The following ADGRG1 variants were observed in gnomAD, a reference collection of about 807,000 sequenced individuals.
ADGRG1 encodes 7-transmembrane protein with no EGF-like N-terminal domains-1.
In ADGRG1, 53 loss-of-function variants were observed where a neutral mutation model predicts 73.5. The ratio of observed to expected loss-of-function variants is 0.72; its 90% CI spans 0.58 to 0.91. The LOEUF is 0.91. Ranked by LOEUF, ADGRG1 falls within the 40% of genes least tolerant of loss-of-function variation. The pLI is 0.00. For missense variants in ADGRG1, 795 were observed against 871.8 expected (o/e 0.91, Z 1.11); for synonymous variants, 394 against 374.4 (o/e 1.05, Z -0.60).
intron 1 of ADGRG1, chr16:57,635,732 T>C: frequency 1.0e-6 from 1 of 985,302 alleles, no homozygotes. Flanking sequence ...CTGCCGACTC[T>C]CCATGTCGTT....
rs2148579413 is a variant in ADGRG1, at chr16:57,660,893, A to G, written c.1664+17A>G. 1 of 1,416,078 alleles carries G rather than the reference A, an allele frequency of 7.1e-7. No individual in the cohort carries two copies. The highest frequency in any genetic ancestry group is 2.3e-5 in the East Asian group (1 of 43,922). The allele number at this position is 1,416,078 out of a possible 1,614,324, so 87.7% of individuals were successfully genotyped here. On this transcript the variant is annotated intron_variant, in intron 12 of 13. Transcript: ENST00000562631. ...CCCTTCCATGTGAGTGGCTGTGTGC[A>G]ATGGGGGCAAGAAGGTGGGTCTCTG...
intron 3 of ADGRG1, chr16:57,651,969 T>G: frequency 7.9e-7 from 1 of 1,261,798 alleles, no homozygotes; most frequent in Non-Finnish European, 1.0e-6. Context: ...GGAAAGGGAC[T>G]GAAGATCAAG....
chr16:57,647,706 C>T (rs2043030346), intron 1 of ADGRG1: 1 of 794,488 alleles, frequency 1.3e-6, no homozygotes, highest in African/African-American at 1.9e-5. Flanking sequence ...CCCCTCAAGC[C>T]TCAAGCATGT....
intron 1 of ADGRG1, chr16:57,644,290 C>T (rs1177065334): frequency 1.5e-6 from 1 of 664,470 alleles, no homozygotes; most frequent in African/African-American, 2.0e-5. Context: ...ATCACACACT[C>T]ATGCTCAGGC....
intron 1 of ADGRG1, chr16:57,647,541 C>T (rs2042988446): frequency 1.7e-6 from 1 of 594,850 alleles, no homozygotes; most frequent in Non-Finnish European, 2.1e-6. Context: ...GTGAGGTTGA[C>T]TTCTTTATTC....
upstream of ADGRG1, chr16:57,625,479 A>C (rs140756542): frequency 4.4e-6 from 3 of 684,568 alleles, no homozygotes; most frequent in African/African-American, 3.9e-5. Context: ...CTTGGACCAA[A>C]GTCTCCTCCC....
At chr16:57,657,780 C>T (rs924784375) in intron 10 of ADGRG1, among the ~76,000 whole-genome samples, 12 of 151,996 alleles carry the variant, frequency 7.9e-5, no homozygotes, top group Admixed American at 4.6e-4. Flanking sequence ...TTGCCTCTGT[C>T]GCCCAGGCTG....
rs1190781564 is a variant in ADGRG1, at chr16:57,643,740, A to C, written c.-35-6513A>C. The C allele has an allele frequency of 2.4e-5, 24 of 984,504 alleles. No individual in the cohort carries two copies. The African/African-American group carries it at 4.2e-4, about 17-fold the overall frequency. 61.0% of individuals were successfully genotyped at this position (984,504 alleles called of 1,614,324 possible). A position where few individuals can be genotyped will look rare whatever the true frequency, so the allele number is the denominator to read the frequency against. ...ACTCTGCTTCTGCCAGTGATCCTGG[A>C]ATACCCCTCTTGGGGAGCTCTCTGT... On this transcript the variant is annotated intron_variant, in intron 1 of 13. Transcript: ENST00000562631.
chr16:57,641,246 C>A (rs1219695663), intron 1 of ADGRG1: 6 of 963,110 alleles, frequency 6.2e-6, no homozygotes, highest in Non-Finnish European at 7.4e-6. Flanking sequence ...TTGTCTGAAC[C>A]TTATGCCCCT....
rs1298191642 is a variant in ADGRG1 at position 57,655,382 on chromosome 16, T to A, written c.769-17T>A. On this transcript the variant is annotated splice_polypyrimidine_tract_variant and intron_variant, in intron 5 of 13. Coordinates refer to ENST00000562631, the MANE Select transcript of ADGRG1 (RefSeq NM_201525.4). ...TAGGGGTCCGCATTTGGCTGAGCCCTAAAGGGACCTCTGCAGGAGGAGCAG... is the reference window on the plus strand; with the variant it reads ...TAGGGGTCCGCATTTGGCTGAGCCCAAAAGGGACCTCTGCAGGAGGAGCAG... 1.2e-6 allele frequency: 2 copies of A among 1,611,894 alleles called. No individual in the cohort carries two copies. Among genetic ancestry groups the A allele is most frequent in the East Asian group, 4.5e-5 (2 of 44,852 alleles).
At chr16:57,663,307 T>G in intron 13 of ADGRG1, 145 bp from the exon 14 acceptor site, 1 of 1,523,488 alleles carries the variant, frequency 6.6e-7, no homozygotes, top group Non-Finnish European at 8.8e-7. Flanking sequence ...AGGTGCTCGC[T>G]GGGTCTCATG....
At chr16:57,636,487 G>A (rs1248124436) in intron 1 of ADGRG1, 1 of 985,184 alleles carries the variant, frequency 1.0e-6, no homozygotes, top group African/African-American at 1.7e-5. Flanking sequence ...AGCCGGCAGA[G>A]GTGTGTGTGC....
Position 57,662,675 on chromosome 16 carries a change from G to A in ADGRG1, c.1933+710G>A, listed in dbSNP as rs539931165. On this transcript the variant is annotated intron_variant, in intron 13 of 13. Transcript: ENST00000562631. ...TGTAGGAAGGACAGTGAGGGAGAGC[G>A]TGGCCAGATGGCGGCGGGTCGGGGC... Among the ~76,000 whole-genome samples the A allele has an allele frequency of 3.3e-5, 5 of 152,188 alleles. No homozygotes were observed. The South Asian group carries it at 6.2e-4, about 19-fold the overall frequency.
chr16:57,641,869 A>G (rs1443063241), intron 1 of ADGRG1, among the ~76,000 whole-genome samples: 1 of 151,820 alleles, frequency 6.6e-6, no homozygotes, highest in African/African-American at 2.4e-5. Flanking sequence ...CTGGCCTCCA[A>G]AATTCTTCTT....
chr16:57,652,129 G>A, intron 3 of ADGRG1: 1 of 1,039,122 alleles, frequency 9.6e-7, no homozygotes, highest in Non-Finnish European at 1.2e-6. Context: ...ATTGGAGTGG[G>A]GTAGGGGTGA....
chr16:57,623,381 C>A (rs913119851), upstream of ADGRG1, among the ~76,000 whole-genome samples: 2 of 152,192 alleles, frequency 1.3e-5, no homozygotes, highest in Admixed American at 1.3e-4. Context: ...GGGCACCTGC[C>A]GAGGCTCCAC....
intron 1 of ADGRG1, chr16:57,646,747 C>T (rs2042749038): frequency 8.3e-6 from 8 of 962,238 alleles, no homozygotes; most frequent in Non-Finnish European, 9.9e-6. Flanking sequence ...CACAGCCTTC[C>T]CCAGCCTCAG....
chr16:57,655,564 A>T (rs1384629490), intron 6 of ADGRG1, 34 bp downstream of exon 6: 1 of 1,611,718 alleles, frequency 6.2e-7, no homozygotes, highest in Non-Finnish European at 8.5e-7. Context: ...CTCCCAGGAG[A>T]AAGCAGTTTT....
intron 1 of ADGRG1, chr16:57,647,701 C>A: frequency 1.3e-6 from 1 of 742,226 alleles, no homozygotes; most frequent in Non-Finnish European, 1.6e-6. Flanking sequence ...CCCCTCCCCT[C>A]AAGCCTCAAG....
Sources: gnomAD v4.1 joint callset for allele counts (sites outside exome capture counted in the v4.1 genomes callset) on GRCh38, gnomAD v4.1.1 for gene constraint, MANE v1.5 for transcripts, NCBI Gene and HGNC (gene_info 2026-07-23, HGNC 2026-07-21) for gene names.